Variants in LRIT3 observed in about 807,000 individuals in gnomAD.
LRIT3 encodes the protein leucine rich repeat, Ig-like and transmembrane domains 3.
In LRIT3, 14 loss-of-function variants were observed where a neutral mutation model predicts 22.6. The ratio of observed to expected loss-of-function variants is 0.62; its 90% CI spans 0.41 to 0.97. LRIT3 has a LOEUF of 0.97. Among genes scored for constraint, LRIT3 ranks in the 50% least tolerant of loss-of-function variants. LRIT3 has a pLI of 0.00. For synonymous variants in LRIT3, 306 were observed against 304.5 expected (o/e 1.01, Z -0.05); for missense variants, 783 against 803.0 (o/e 0.98, Z 0.30).
chr4:109,863,865 C>T (rs1734607770), intron 2 of LRIT3, among the ~76,000 whole-genome samples: 2 of 152,152 alleles, frequency 1.3e-5, no homozygotes, highest in Non-Finnish European at 2.9e-5. Context: ...ATAGGTTGGT[C>T]ACCCTAAAGT....
At chr4:109,852,784 T>C (rs796513276) in intron 2 of LRIT3, among the ~76,000 whole-genome samples, 1 of 152,136 alleles carries the variant, frequency 6.6e-6, no homozygotes, top group Non-Finnish European at 1.5e-5. Flanking sequence ...TTCCCCTCCC[T>C]GTGTCCATGT....
intron 2 of LRIT3, among the ~76,000 whole-genome samples, chr4:109,853,941 C>G (rs1449094213): frequency 6.6e-6 from 1 of 152,164 alleles, no homozygotes; most frequent in African/African-American, 2.4e-5. Flanking sequence ...TTCCATTTGT[C>G]TATATATCTG....
At chr4:109,861,056 T>C (rs1734531582) in intron 2 of LRIT3, among the ~76,000 whole-genome samples, 1 of 152,202 alleles carries the variant, frequency 6.6e-6, no homozygotes, top group Non-Finnish European at 1.5e-5. Flanking sequence ...ATTCCTAGAA[T>C]TGAAATTGCT....
At chr4:109,861,531 G>A (rs1490000722) in intron 2 of LRIT3, among the ~76,000 whole-genome samples, 1 of 151,996 alleles carries the variant, frequency 6.6e-6, no homozygotes, top group Non-Finnish European at 1.5e-5. Context: ...GGTGGGTCAG[G>A]AAGCGGTATC....
In LRIT3 at chr4:109,870,256, A is replaced by G. The variant is rs760318802; in HGVS notation, c.1507A>G (p.Thr503Ala). 3.7e-6 allele frequency: 6 copies of G among 1,614,184 alleles called. No individual in the cohort carries two copies. The East Asian group carries it at 1.3e-4, about 36-fold the overall frequency. Residue 503 changes from threonine (T) to alanine (A), a missense_variant, in exon 4 of 4, where the codon ACG becomes GCG. Thr to Ala is a moderately conservative substitution (Grantham distance 58). This residue lies in a region of LRIT3 where 756 missense variants were observed against 753.8 expected (regional missense o/e 1.00). Transcript: ENST00000594814. The part of the protein sequence containing the change: ...VSETKESVTL[T>A]WNMINTTHNS... Reference sequence around the variant, plus strand: ...TGAGACTAAAGAGAGTGTGACATTGACGTGGAATATGATCAACACCACACA... The same window carrying G: ...TGAGACTAAAGAGAGTGTGACATTGGCGTGGAATATGATCAACACCACACA...
chr4:109,850,948 AC>A lies in LRIT3; in HGVS notation c.117-555del, dbSNP rs1734238158. Among the ~76,000 whole-genome samples, 6 of 142,040 alleles carry A rather than the reference AC, an allele frequency of 4.2e-5. No individual in the cohort carries two copies. The South Asian group carries it at 1.4e-3, about 33-fold the overall frequency. The allele number at this position is 142,040 out of a possible 152,430, so 93.2% of individuals were successfully genotyped here. A position where few individuals can be genotyped will look rare whatever the true frequency, so the allele number is the denominator to read the frequency against. On this transcript the variant is annotated intron_variant, in intron 1 of 3. Transcript: ENST00000594814. ...GTTCAACTTTAAACATGTACTGTGA[AC>A]ACTTTTTTTTTTCACCTAAATAAAT...
intron 2 of LRIT3, among the ~76,000 whole-genome samples, chr4:109,860,003 G>A (rs1734496203): frequency 6.6e-6 from 1 of 152,058 alleles, no homozygotes; most frequent in African/African-American, 2.4e-5. Context: ...TAGTAAAATT[G>A]TCCTTTATTG....
chr4:109,869,753 G>T lies in LRIT3; in HGVS notation c.1004G>T (p.Gly335Val). 6.2e-7 allele frequency: 1 copy of T among 1,613,694 alleles called. No individual in the cohort carries two copies. Among genetic ancestry groups the T allele is most frequent in the Non-Finnish European group, 8.5e-7 (1 of 1,179,676 alleles). The change falls in exon 4 of 4, where the codon GGG (glycine) becomes GTG (valine). Residue 335 changes from glycine to valine, a missense_variant. Gly to Val is a moderately radical substitution (Grantham distance 109). Coordinates refer to ENST00000594814, the MANE Select transcript of LRIT3 (RefSeq NM_198506.5). ...AAATGTAAGGCCAAAAATCTGGCTG[G>T]GATGTCAGAAGCTGTGGTTACTGTG... is the stretch of plus-strand genomic sequence containing the variant. ...DYKCKAKNLAGMSEAVVTVTV... is the reference protein window; with the variant it reads ...DYKCKAKNLAVMSEAVVTVTV...
At chr4:109,858,609 C>G (rs1228160491) in intron 2 of LRIT3, among the ~76,000 whole-genome samples, 1 of 152,138 alleles carries the variant, frequency 6.6e-6, no homozygotes, top group African/African-American at 2.4e-5. Flanking sequence ...CCATACTTCC[C>G]TTCCTTGGTT....
chr4:109,870,454 T>A lies in LRIT3; in HGVS notation c.1705T>A (p.Phe569Ile). 1 of 1,614,226 alleles carries A rather than the reference T, an allele frequency of 6.2e-7. No homozygotes were observed. The highest frequency in any genetic ancestry group is 8.5e-7 in the Non-Finnish European group (1 of 1,180,042). The change falls in exon 4 of 4, where the codon TTT becomes ATT. Residue 569 changes from phenylalanine to isoleucine, a missense_variant. Transcript: ENST00000594814. ...TCCCCAGAAAGACCAATGCATCACC[T>A]TTTCTACTGAAAGAGTTGAAGGAGA... The part of the protein sequence containing the change: ...VPPQKDQCIT[F>I]STERVEGDDS...
chr4:109,860,572 A>G (rs12498239), intron 2 of LRIT3, among the ~76,000 whole-genome samples: 30,178 of 152,116 alleles, frequency 0.2, 3,589 homozygotes, highest in Admixed American at 0.34. Flanking sequence ...ATTAAGGTAT[A>G]CTTTGTATAG....
At chr4:109,859,615 G>T (rs1734486180) in intron 2 of LRIT3, among the ~76,000 whole-genome samples, 1 of 152,064 alleles carries the variant, frequency 6.6e-6, no homozygotes, top group Admixed American at 6.6e-5. Context: ...GCAAGATGAG[G>T]GTGTTTATAG....
rs1434208318 is a variant in LRIT3, at chr4:109,868,595, GTC to G, written c.895+654_895+655del. Among the ~76,000 whole-genome samples the G allele has an allele frequency of 2.0e-5, 3 of 146,798 alleles. No homozygotes were observed. The Admixed American group carries it at 2.1e-4, about 10-fold the overall frequency. On this transcript the variant is annotated intron_variant, in intron 3 of 3. Transcript: ENST00000594814. The stretch of plus-strand genomic sequence containing the variant: ...AAAAGGACGGGGGGCTTTTGTACAA[GTC>G]TCTCATTTTTGAATAATTATTTAAA...
At chr4:109,865,283 T>C in intron 2 of LRIT3, 1 of 1,596,094 alleles carries the variant, frequency 6.3e-7, no homozygotes, top group South Asian at 1.1e-5. Context: ...TTGGTGAGAA[T>C]GTCATTTCCT....
rs2125897255 is a variant in LRIT3 at position 109,851,856 on chromosome 4, T to C, written c.469T>C (p.Tyr157His). The change falls in exon 2 of 4, where the codon TAC becomes CAC. Residue 157 changes from tyrosine to histidine, a missense_variant. By Grantham distance (83) the Tyr-to-His change is moderately conservative. Coordinates refer to ENST00000594814, the MANE Select transcript of LRIT3 (RefSeq NM_198506.5). The stretch of plus-strand genomic sequence containing the variant: ...GCTCAGGTATCTGAAGAACCTTGCC[T>C]ACTTGGATTTATCAAGCAACAGACT... ...EALRYLKNLA[Y>H]LDLSSNRLTT... 6.4e-7 allele frequency: 1 copy of C among 1,551,654 alleles called. No individual in the cohort carries two copies. Among genetic ancestry groups the C allele is most frequent in the East Asian group, 2.4e-5 (1 of 40,902 alleles).
intron 1 of LRIT3, among the ~76,000 whole-genome samples, chr4:109,848,830 A>G (rs1734139065): frequency 1.3e-5 from 2 of 152,244 alleles, no homozygotes; most frequent in African/African-American, 4.8e-5. Flanking sequence ...GATGGAATTT[A>G]CAAAATAAAG....
intron 2 of LRIT3, among the ~76,000 whole-genome samples, chr4:109,866,533 A>G (rs1322031642): frequency 5.9e-5 from 9 of 152,168 alleles, no homozygotes; most frequent in African/African-American, 1.7e-4. Flanking sequence ...CGATTCCTTT[A>G]TATTTAACAG....
At chr4:109,852,041 C>T in intron 2 of LRIT3, 65 bp downstream of exon 2, 1 of 1,399,242 alleles carries the variant, frequency 7.1e-7, no homozygotes, top group Non-Finnish European at 9.5e-7. Context: ...TTTTTTTGTC[C>T]AGTCTTTTAA....
At chr4:109,866,060 C>G (rs1734670908) in intron 2 of LRIT3, among the ~76,000 whole-genome samples, 1 of 152,074 alleles carries the variant, frequency 6.6e-6, no homozygotes, top group African/African-American at 2.4e-5. Flanking sequence ...ACTTCTAAAA[C>G]AGGAGATGAA....
Sources: gnomAD v4.1 joint callset for allele counts (sites outside exome capture counted in the v4.1 genomes callset) on GRCh38, gnomAD v4.1.1 for gene constraint, gnomAD v4.1.1 regional missense constraint, MANE v1.5 for transcripts, NCBI Gene and HGNC (gene_info 2026-07-23, HGNC 2026-07-21) for gene names.